Variants in SEC63 observed in about 807,000 individuals in gnomAD.
The protein encoded by SEC63 is translocation protein SEC63 homolog.
Under a neutral mutation model 116.2 loss-of-function variants are expected in SEC63, and 56 were observed. The observed-to-expected ratio is 0.48, with a 90% CI of 0.39 to 0.60. The LOEUF (loss-of-function observed/expected upper bound fraction) is 0.60, where lower values mean the gene tolerates loss of function less well. Ranked by LOEUF, SEC63 falls within the 20% of genes least tolerant of loss-of-function variation. SEC63 has a pLI of 0.00. For synonymous variants in SEC63, 273 were observed against 294.6 expected (o/e 0.93, Z 0.75); for missense variants, 668 against 900.0 (o/e 0.74, Z 3.30).
At chr6:107,934,266 AG>A (rs1787880119) in intron 1 of SEC63, among the ~76,000 whole-genome samples, 1 of 149,206 alleles carries the variant, frequency 6.7e-6, no homozygotes, top group South Asian at 2.1e-4. Context: ...CATCCCGTCT[AG>A]GAAGTGAGGA....
chr6:107,920,586 A>G (rs959106645), intron 4 of SEC63, among the ~76,000 whole-genome samples: 1 of 152,154 alleles, frequency 6.6e-6, no homozygotes, highest in Non-Finnish European at 1.5e-5. Flanking sequence ...CTGAACCTAT[A>G]GTATCTCCAA....
chr6:107,933,151 A>G (rs552955697), intron 1 of SEC63, among the ~76,000 whole-genome samples: 1 of 152,260 alleles, frequency 6.6e-6, no homozygotes, highest in Non-Finnish European at 1.5e-5. Context: ...TTAAAGATGA[A>G]GGAAGGGCCA....
intron 14 of SEC63, among the ~76,000 whole-genome samples, chr6:107,896,491 T>C (rs977087172): frequency 6.6e-6 from 1 of 151,926 alleles, no homozygotes; most frequent in Non-Finnish European, 1.5e-5. Flanking sequence ...GAAGGAAATA[T>C]ATGCAAAATG....
At chr6:107,944,177 A>G (rs1770434707) in intron 1 of SEC63, among the ~76,000 whole-genome samples, 1 of 152,224 alleles carries the variant, frequency 6.6e-6, no homozygotes. Context: ...TTAAAGGTAA[A>G]AATGTAAATA....
chr6:107,946,286 G>A (rs1261651734), intron 1 of SEC63, among the ~76,000 whole-genome samples: 1 of 151,522 alleles, frequency 6.6e-6, no homozygotes, highest in African/African-American at 2.4e-5. Context: ...GGGCCAGAGT[G>A]CAGTGGCACA....
chr6:107,885,109 CAAGGTTCCTA>C (rs1786498529), intron 16 of SEC63, among the ~76,000 whole-genome samples: 1 of 152,046 alleles, frequency 6.6e-6, no homozygotes, highest in South Asian at 2.1e-4. Context: ...AAAAATAAGA[CAAGGTTCCTA>C]CTATCATCAC....
intron 15 of SEC63, 69 bp from the exon 16 acceptor site, chr6:107,893,724 T>C: frequency 6.3e-7 from 1 of 1,596,406 alleles, no homozygotes; most frequent in Non-Finnish European, 8.6e-7. Flanking sequence ...TAGTAATTTT[T>C]AGGTGGAAAT....
chr6:107,945,666 T>C (rs530601880), intron 1 of SEC63, among the ~76,000 whole-genome samples: 2 of 151,762 alleles, frequency 1.3e-5, no homozygotes, highest in African/African-American at 2.4e-5. Flanking sequence ...GATGGTGAAA[T>C]AGTGTAACAA....
intron 1 of SEC63, among the ~76,000 whole-genome samples, chr6:107,939,551 A>G (rs1770329376): frequency 6.6e-6 from 1 of 152,148 alleles, no homozygotes; most frequent in Admixed American, 6.5e-5. Context: ...CAGGAGTTCA[A>G]GACCAGCCTG....
intron 16 of SEC63, among the ~76,000 whole-genome samples, chr6:107,891,565 G>A (rs1040022399): frequency 6.6e-6 from 1 of 152,074 alleles, no homozygotes; most frequent in African/African-American, 2.4e-5. Flanking sequence ...GCTTCTGTCA[G>A]TTCGTCACAT....
At chr6:107,936,798 C>T (rs2114500088) in intron 1 of SEC63, among the ~76,000 whole-genome samples, 1 of 152,282 alleles carries the variant, frequency 6.6e-6, no homozygotes, top group East Asian at 1.9e-4. Flanking sequence ...AATCATAGAA[C>T]CCAAAGAGGT....
chr6:107,905,752 A>G (rs537109619), intron 10 of SEC63, among the ~76,000 whole-genome samples: 1 of 152,344 alleles, frequency 6.6e-6, no homozygotes, highest in Admixed American at 6.5e-5. Context: ...AGTCCTTTAA[A>G]AAAATTATTA....
chr6:107,931,030 C>A (rs768415982), intron 1 of SEC63, among the ~76,000 whole-genome samples: 1 of 151,060 alleles, frequency 6.6e-6, no homozygotes, highest in East Asian at 2.0e-4. Flanking sequence ...AGAGTTGTGA[C>A]AAAAGCTATT....
intron 13 of SEC63, among the ~76,000 whole-genome samples, chr6:107,899,058 G>A (rs563906704): frequency 6.6e-6 from 1 of 152,184 alleles, no homozygotes; most frequent in Non-Finnish European, 1.5e-5. Context: ...ACAGCTGTAT[G>A]TGCACAAGCA....
At chr6:107,948,490 C>A (rs1027345978) in intron 1 of SEC63, among the ~76,000 whole-genome samples, 52 of 152,320 alleles carry the variant, frequency 3.4e-4, no homozygotes, top group African/African-American at 1.2e-3. Flanking sequence ...TGAACAGCAA[C>A]AGAGCTGAGT....
At chr6:107,882,342 A>G (rs1277508777) in intron 17 of SEC63, among the ~76,000 whole-genome samples, 5 of 152,128 alleles carry the variant, frequency 3.3e-5, no homozygotes, top group Admixed American at 2.6e-4. Flanking sequence ...CGAGCAGTTT[A>G]TTTGCAGTGA....
intron 2 of SEC63, among the ~76,000 whole-genome samples, chr6:107,927,507 C>G (rs1221104580): frequency 6.6e-6 from 1 of 152,060 alleles, no homozygotes; most frequent in Non-Finnish European, 1.5e-5. Flanking sequence ...GGTTTATGAC[C>G]TTATCTAAAT....
At chr6:107,937,123 A>ATTTAT (rs1770265901) in intron 1 of SEC63, among the ~76,000 whole-genome samples, 1 of 129,916 alleles carries the variant, frequency 7.7e-6, no homozygotes, top group African/African-American at 2.9e-5. Flanking sequence ...TATGTACCAC[A>ATTTAT]TTTTTTTTTT....
chr6:107,913,543 G>C, intron 4 of SEC63, 116 bp from the exon 5 acceptor site: 1 of 787,544 alleles, frequency 1.3e-6, no homozygotes, highest in Non-Finnish European at 2.2e-6. Context: ...CTGATTCCAT[G>C]AATCAAGAAA....
Sources: allele counts gnomAD v4.1 joint callset (sites outside exome capture counted in the v4.1 genomes callset), GRCh38; gene constraint gnomAD v4.1.1; transcripts MANE v1.5; gene names NCBI Gene and HGNC (gene_info 2026-07-23, HGNC 2026-07-21).